Variants in RAB10 observed in about 807,000 individuals in gnomAD.
RAB10 encodes the protein RAB10, member RAS oncogene family.
RAB10 carries 5 observed loss-of-function variants against 25.7 expected under a neutral mutation model. The ratio of observed to expected loss-of-function variants is 0.19; its 90% CI spans 0.10 to 0.41. RAB10 has a LOEUF of 0.41. Ranked by LOEUF, RAB10 falls within the 10% of genes least tolerant of loss-of-function variation. The pLI is 1.00. For synonymous variants in RAB10, 89 were observed against 86.4 expected (o/e 1.03, Z -0.16); for missense variants, 103 against 245.8 (o/e 0.42, Z 3.89).
At chr2:26,033,590 C>T (rs1166043546), upstream of RAB10, among the ~76,000 whole-genome samples, 1 of 152,240 alleles carries the variant, frequency 6.6e-6, no homozygotes, top group Non-Finnish European at 1.5e-5. Flanking sequence ...CAGGGCGCGG[C>T]TTTTTCTCGC....
chr2:26,057,489 G>A (rs1164778137), intron 1 of RAB10, among the ~76,000 whole-genome samples: 1 of 152,016 alleles, frequency 6.6e-6, no homozygotes, highest in Admixed American at 6.5e-5. Flanking sequence ...CATTTAAGGT[G>A]TAGACAGGAT....
intron 1 of RAB10, among the ~76,000 whole-genome samples, chr2:26,077,251 A>T (rs1377005741): frequency 5.9e-5 from 9 of 152,204 alleles, no homozygotes; most frequent in Non-Finnish European, 1.3e-4. Flanking sequence ...TTACAAATAT[A>T]GATATTAAAG....
intron 1 of RAB10, among the ~76,000 whole-genome samples, chr2:26,050,299 T>TA (rs1192832761): frequency 6.6e-6 from 1 of 152,230 alleles, no homozygotes; most frequent in Admixed American, 6.5e-5. Flanking sequence ...TTTGAAAACA[T>TA]TACTCCATTG....
At chr2:26,054,853 C>G (rs1422155875) in intron 1 of RAB10, among the ~76,000 whole-genome samples, 1 of 151,988 alleles carries the variant, frequency 6.6e-6, no homozygotes, top group African/African-American at 2.4e-5. Flanking sequence ...TGATGGCACA[C>G]GCCTGTAGTC....
At chr2:26,085,571 G>A (rs1039711239) in intron 1 of RAB10, among the ~76,000 whole-genome samples, 12 of 150,978 alleles carry the variant, frequency 7.9e-5, no homozygotes, top group African/African-American at 1.2e-4. Flanking sequence ...ATTTTCCTTC[G>A]CTTTGTTCCT....
At chr2:26,115,594 A>G (rs1667666519) in intron 3 of RAB10, among the ~76,000 whole-genome samples, 1 of 152,094 alleles carries the variant, frequency 6.6e-6, no homozygotes, top group African/African-American at 2.4e-5. Context: ...TTGGAGAGAA[A>G]AGAGTGGTTG....
intron 3 of RAB10, among the ~76,000 whole-genome samples, chr2:26,111,089 T>C (rs1667559359): frequency 6.6e-6 from 1 of 152,208 alleles, no homozygotes; most frequent in East Asian, 1.9e-4. Flanking sequence ...TTGTTAAGAG[T>C]TGTTTTTCAT....
chr2:26,086,258 C>G (rs1374419452), intron 1 of RAB10, among the ~76,000 whole-genome samples: 1 of 152,136 alleles, frequency 6.6e-6, no homozygotes, highest in Non-Finnish European at 1.5e-5. Flanking sequence ...TGTACTCCAG[C>G]CTGGGCAACA....
At chr2:26,044,838 G>A (rs1430249750) in intron 1 of RAB10, among the ~76,000 whole-genome samples, 1 of 151,806 alleles carries the variant, frequency 6.6e-6, no homozygotes, top group African/African-American at 2.4e-5. Context: ...AAGCCATTGC[G>A]CCCCGCCAGG....
intron 1 of RAB10, among the ~76,000 whole-genome samples, chr2:26,060,323 C>T (rs547491998): frequency 1.3e-5 from 2 of 152,160 alleles, no homozygotes; most frequent in South Asian, 2.1e-4. Flanking sequence ...GACGGAGTCT[C>T]GCTCTGTTGC....
intron 1 of RAB10, among the ~76,000 whole-genome samples, chr2:26,071,438 A>C (rs541704748): frequency 2.6e-5 from 4 of 152,212 alleles, no homozygotes; most frequent in Non-Finnish European, 5.9e-5. Context: ...CTGTAATCCC[A>C]ACACTTTGGG....
chr2:26,089,147 G>A lies in RAB10; in HGVS notation c.128-9515G>A, dbSNP rs561714488. 4.3e-4 allele frequency among the ~76,000 whole-genome samples: 66 copies of A among 152,092 alleles called. 2 individuals are homozygous for A. In the South Asian group the frequency reaches 0.013, roughly 29 times the overall value. On this transcript the variant is annotated intron_variant, in intron 1 of 5. Coordinates refer to ENST00000264710, the MANE Select transcript of RAB10 (RefSeq NM_016131.5). Reference sequence around the variant, plus strand: ...TTCATAGAGAGTGATGATTGAGGCCGGGCACGATGGCTCATGCCTGTAATC... The same window carrying A: ...TTCATAGAGAGTGATGATTGAGGCCAGGCACGATGGCTCATGCCTGTAATC...
chr2:26,062,955 A>G (rs1553725077), intron 1 of RAB10, among the ~76,000 whole-genome samples: 1 of 151,880 alleles, frequency 6.6e-6, no homozygotes, highest in Non-Finnish European at 1.5e-5. Context: ...TCTCTATTAA[A>G]AATACAAAAA....
At chr2:26,033,864 C>T (rs921435167), upstream of RAB10, among the ~76,000 whole-genome samples, 1 of 152,194 alleles carries the variant, frequency 6.6e-6, no homozygotes, top group East Asian at 1.9e-4. Context: ...GTGCTCGTAA[C>T]GCCGCGCACC....
intron 1 of RAB10, among the ~76,000 whole-genome samples, chr2:26,091,641 C>T (rs1007482464): frequency 8.6e-5 from 13 of 151,940 alleles, no homozygotes; most frequent in Non-Finnish European, 1.9e-4. Context: ...AGTTGGGTAT[C>T]TTGGATTTGG....
intron 1 of RAB10, among the ~76,000 whole-genome samples, chr2:26,042,434 G>C (rs367831681): frequency 1.4e-4 from 22 of 152,106 alleles, no homozygotes; most frequent in African/African-American, 4.8e-4. Context: ...TCAGGAGTTC[G>C]AGACCAGCCT....
chr2:26,104,098 A>G (rs1667416439), intron 2 of RAB10, among the ~76,000 whole-genome samples: 1 of 152,166 alleles, frequency 6.6e-6, no homozygotes, highest in African/African-American at 2.4e-5. Flanking sequence ...TTTTGGTTAT[A>G]TGCCTAGAAT....
At chr2:26,095,216 T>C (rs151129258) in intron 1 of RAB10, among the ~76,000 whole-genome samples, 67 of 152,324 alleles carry the variant, frequency 4.4e-4, no homozygotes, top group Non-Finnish European at 7.5e-4. Context: ...ACTAAGATTG[T>C]AGTCCTTTCT....
At chr2:26,125,378 A>C (rs894452764) in intron 3 of RAB10, among the ~76,000 whole-genome samples, 1 of 148,928 alleles carries the variant, frequency 6.7e-6, no homozygotes, top group Non-Finnish European at 1.5e-5. Flanking sequence ...ATTCATGTGC[A>C]TATTGTTTGT....
Sources: gnomAD v4.1 joint callset for allele counts (sites outside exome capture counted in the v4.1 genomes callset) on GRCh38, gnomAD v4.1.1 for gene constraint, MANE v1.5 for transcripts, NCBI Gene and HGNC (gene_info 2026-07-23, HGNC 2026-07-21) for gene names.